PCDHGA2: variants seen among roughly 807,000 people sequenced by gnomAD.
PCDHGA2 encodes the protein protocadherin gamma subfamily A, 2, also known as protocadherin gamma-A2.
In PCDHGA2, 40 loss-of-function variants were observed where a neutral mutation model predicts 59.2. That is an observed-to-expected ratio of 0.68 (90% CI 0.52 to 0.88). PCDHGA2 has a LOEUF of 0.88. Among genes scored for constraint, PCDHGA2 ranks in the 40% least tolerant of loss-of-function variants. The pLI is 0.00. For synonymous variants in PCDHGA2, 560 were observed against 526.0 expected, an observed-to-expected ratio of 1.06 and a Z score of -0.89; for missense variants, 1,226 against 1,204.0, an observed-to-expected ratio of 1.02 and a Z score of -0.27.
At chr5:141,388,085 C>G in intron 1 of PCDHGA2, 1 of 1,363,472 alleles carries the variant, frequency 7.3e-7, no homozygotes, top group Non-Finnish European at 1.0e-6. Context: ...GAAAACTGCG[C>G]GTCAGTTCGG....
Position 141,431,303 on chromosome 5 carries a change from G to A in PCDHGA2, c.2425-63504G>A, listed in dbSNP as rs777784010. 2 of 1,613,942 alleles carry A rather than the reference G, an allele frequency of 1.2e-6. No homozygotes were observed. The highest frequency in any genetic ancestry group is 2.7e-5 in the African/African-American group (2 of 74,916). ...CCCGAACACTCACTTCTCCCTCATC[G>A]TGCAAAATGGAGCCGACGGTAGTAA... On this transcript the variant is annotated intron_variant, in intron 1 of 3. Transcript: ENST00000394576. The surrounding 1 kb of genome is among the most constrained non-coding windows in gnomAD (Gnocchi z 4.8).
intron 1 of PCDHGA2, chr5:141,346,303 T>A (rs1418501785): frequency 6.8e-6 from 11 of 1,613,820 alleles, no homozygotes; most frequent in Non-Finnish European, 8.5e-6. Flanking sequence ...TCCCACGAGG[T>A]CTCCCTCACT....
At chr5:141,364,613 C>A in intron 1 of PCDHGA2, 1 of 1,614,170 alleles carries the variant, frequency 6.2e-7, no homozygotes, top group Admixed American at 1.7e-5. Context: ...CCGGGAGGAG[C>A]TCTGCGCTCA....
At chr5:141,391,837 T>C (rs2092427916) in intron 1 of PCDHGA2, 1 of 152,236 alleles carries the variant, frequency 6.6e-6, no homozygotes, top group Non-Finnish European at 1.5e-5. Flanking sequence ...TTAGAATATA[T>C]GTAAAAGTCA....
chr5:141,368,882 C>T (rs992495169), intron 1 of PCDHGA2, among the ~76,000 whole-genome samples: 1 of 152,134 alleles, frequency 6.6e-6, no homozygotes, highest in Non-Finnish European at 1.5e-5. Flanking sequence ...AGTCTTGAGT[C>T]AGTTATATTT....
intron 1 of PCDHGA2, among the ~76,000 whole-genome samples, chr5:141,347,121 T>A (rs1242692658): frequency 2.1e-5 from 3 of 140,036 alleles, no homozygotes; most frequent in Non-Finnish European, 3.2e-5. Context: ...CCTCCTTCCT[T>A]CCTTCCTCTG....
Position 141,472,217 on chromosome 5 carries a change from C to T in PCDHGA2, c.2425-22590C>T, listed in dbSNP as rs181908144. On this transcript the variant is annotated intron_variant, in intron 1 of 3. Transcript: ENST00000394576. ...CTTTTTGACACTAAGACCTTACTCTCGATCATATAATACATTCACTTTCTA... is the reference window on the plus strand; with the variant it reads ...CTTTTTGACACTAAGACCTTACTCTTGATCATATAATACATTCACTTTCTA... Among the ~76,000 whole-genome samples the T allele has an allele frequency of 3.1e-4, 47 of 152,234 alleles. 1 individual carries two copies. The highest frequency in any genetic ancestry group is 1.1e-3 in the African/African-American group (44 of 41,538).
Position 141,400,130 on chromosome 5 carries a change from T to C in PCDHGA2, c.2424+58735T>C, listed in dbSNP as rs369250985. On this transcript the variant is annotated intron_variant, in intron 1 of 3. Transcript: ENST00000394576. ...TTTGCTGACAGCTTGCAGGAGGTGC[T>C]GCCGGATATCACTGACCGCCCTGTA... is the stretch of plus-strand genomic sequence containing the variant. The C allele has an allele frequency of 1.9e-6, 3 of 1,613,954 alleles. No individual in the cohort carries two copies. The African/African-American group carries it at 4.0e-5, about 22-fold the overall frequency.
chr5:141,415,278 G>A (rs768587119), intron 1 of PCDHGA2: 4 of 1,614,212 alleles, frequency 2.5e-6, no homozygotes, highest in Non-Finnish European at 3.4e-6. Flanking sequence ...TGGTAGCGGT[G>A]GCCGCGGTCT....
Position 141,385,046 on chromosome 5 carries a change from T to C in PCDHGA2, c.2424+43651T>C, listed in dbSNP as rs777247092. 1.9e-6 allele frequency: 3 copies of C among 1,614,038 alleles called. No homozygotes were observed. The Admixed American group carries it at 5.0e-5, about 27-fold the overall frequency. Reference sequence around the variant, plus strand: ...GTCCTCGTACTGCTGGCGCTCAGGCTGCGGCGCTGGCACAAGTCACGCCTG... The same window carrying C: ...GTCCTCGTACTGCTGGCGCTCAGGCCGCGGCGCTGGCACAAGTCACGCCTG... On this transcript the variant is annotated intron_variant, in intron 1 of 3. Coordinates refer to ENST00000394576, the MANE Select transcript of PCDHGA2 (RefSeq NM_018915.4).
In PCDHGA2 at chr5:141,383,779, C is replaced by G. The variant is rs1779468390; in HGVS notation, c.2424+42384C>G. 1 of 1,614,002 alleles carries G rather than the reference C, an allele frequency of 6.2e-7. No homozygotes were observed. ...TCCTAAACTTCCAAAGATGTTTCATCTGAACTCGCTTACAGGAGAAATATC... is the reference window on the plus strand; with the variant it reads ...TCCTAAACTTCCAAAGATGTTTCATGTGAACTCGCTTACAGGAGAAATATC... On this transcript the variant is annotated intron_variant, in intron 1 of 3. Coordinates refer to ENST00000394576, the MANE Select transcript of PCDHGA2 (RefSeq NM_018915.4).
chr5:141,405,967 G>C (rs76683972), intron 1 of PCDHGA2, among the ~76,000 whole-genome samples: 1 of 151,968 alleles, frequency 6.6e-6, no homozygotes, highest in Non-Finnish European at 1.5e-5. Context: ...TGCTGTCAAC[G>C]TAAACCATAC....
rs1257609378 is a variant in PCDHGA2 at position 141,385,552 on chromosome 5, T to TA, written c.2424+44157_2424+44158insA. Reference sequence around the variant, plus strand: ...ATTATGAATATGTGGACTATCACATTTTATAATTTCCACCTACTTTCCAAT... The same window carrying TA: ...ATTATGAATATGTGGACTATCACATTATTATAATTTCCACCTACTTTCCAAT... On this transcript the variant is annotated intron_variant, in intron 1 of 3. Transcript: ENST00000394576. 1.1e-5 allele frequency: 14 copies of TA among 1,315,750 alleles called. No individual in the cohort carries two copies. The African/African-American group carries it at 2.1e-4, about 20-fold the overall frequency. The allele number at this position is 1,315,750 out of a possible 1,614,324, so 81.5% of individuals were successfully genotyped here. A position where few individuals can be genotyped will look rare whatever the true frequency, so the allele number is the denominator to read the frequency against.
intron 1 of PCDHGA2, chr5:141,350,138 C>A: frequency 2.5e-6 from 2 of 788,660 alleles, no homozygotes; most frequent in Non-Finnish European, 3.7e-6. Context: ...ACAGACGCTG[C>A]TCCTGTTCAC....
At chr5:141,445,558 G>A (rs1172697298) in intron 1 of PCDHGA2, among the ~76,000 whole-genome samples, 1 of 152,172 alleles carries the variant, frequency 6.6e-6, no homozygotes, top group Non-Finnish European at 1.5e-5. Flanking sequence ...AAAGCACTAA[G>A]AGAAAGCTTA....
Position 141,490,667 on chromosome 5 carries a change from T to C in PCDHGA2, c.2425-4140T>C, listed in dbSNP as rs906656199. The stretch of plus-strand genomic sequence containing the variant: ...CCTCCGGGCTCCCTTCTTTGCACTG[T>C]GGCTGCCTCAGATCCAGACACTGGG... On this transcript the variant is annotated intron_variant, in intron 1 of 3. Transcript: ENST00000394576. This position sits in a 1 kb window ranked among gnomAD's most constrained non-coding sequence, Gnocchi z 5.4. The C allele has an allele frequency of 6.8e-6, 11 of 1,614,206 alleles. 1 individual carries two copies. The highest frequency in any genetic ancestry group is 4.5e-5 in the East Asian group (2 of 44,876).
chr5:141,421,040 C>T (rs2096541229), intron 1 of PCDHGA2: 1 of 545,472 alleles, frequency 1.8e-6, no homozygotes, highest in East Asian at 3.1e-5. Context: ...GTCCCTCCCT[C>T]CCCCGCCTCT....
At position 141,431,280 on chromosome 5, in the gene PCDHGA2, C is replaced by G; in HGVS notation, c.2425-63527C>G. ...TCTCTGCAGAGCTACGAGCTCAGCC[C>G]GAACACTCACTTCTCCCTCATCGTG... On this transcript the variant is annotated intron_variant, in intron 1 of 3. Transcript: ENST00000394576. This position sits in a 1 kb window ranked among gnomAD's most constrained non-coding sequence, Gnocchi z 4.8. The G allele has an allele frequency of 6.2e-7, 1 of 1,614,146 alleles. No homozygotes were observed. The highest frequency in any genetic ancestry group is 8.5e-7 in the Non-Finnish European group (1 of 1,180,040).
chr5:141,395,221 A>G, intron 1 of PCDHGA2: 1 of 1,611,672 alleles, frequency 6.2e-7, no homozygotes, highest in Non-Finnish European at 8.5e-7. Context: ...TATAAGAATG[A>G]AGCTGATCAT....
Sources: allele counts gnomAD v4.1 joint callset (sites outside exome capture counted in the v4.1 genomes callset), GRCh38; gene constraint gnomAD v4.1.1; non-coding constraint Gnocchi (gnomAD v3.1); transcripts MANE v1.5; gene names NCBI Gene and HGNC (gene_info 2026-07-23, HGNC 2026-07-21).